Variants in CDH26 observed in about 807,000 individuals in gnomAD.
CDH26 encodes the protein cadherin-like protein 26.
In CDH26, 83 loss-of-function variants were observed where a neutral mutation model predicts 90.3. That is an observed-to-expected ratio of 0.92 (90% CI 0.77 to 1.10). The LOEUF (loss-of-function observed/expected upper bound fraction) is 1.10, where lower values mean the gene tolerates loss of function less well. CDH26 is among the 50% of genes least tolerant of loss of function. The probability of loss-of-function intolerance (pLI) is 0.00; values close to 1 mark genes in which losing one functional copy is unlikely to be tolerated. For synonymous variants in CDH26, 397 were observed against 396.3 expected (o/e 1.00, Z -0.02); for missense variants, 1,013 against 1,037.6 (o/e 0.98, Z 0.33).
chr20:59,967,878 T>TTTCTTTCTCTCTCTCTCTC (rs2061181771), intron 1 of CDH26, among the ~76,000 whole-genome samples: 1 of 101,426 alleles, frequency 9.9e-6, no homozygotes, highest in African/African-American at 7.1e-5. Context: ...TCTTTCTTTC[T>TTTCTTTCTCTCTCTCTCTC]TCCTTCCTTC....
At chr20:59,963,252 A>AT (rs11086689) in intron 1 of CDH26, among the ~76,000 whole-genome samples, 40,954 of 122,866 alleles carry the variant, frequency 0.33, 8,170 homozygotes, top group African/African-American at 0.5. Flanking sequence ...GTAGATAAGG[A>AT]TTTTTTTTTT....
intron 4 of CDH26, among the ~76,000 whole-genome samples, chr20:59,973,462 T>C (rs1401356227): frequency 6.6e-6 from 1 of 152,222 alleles, no homozygotes; most frequent in African/African-American, 2.4e-5. Flanking sequence ...ACTTGTATAA[T>C]GAGGGTTTAG....
intron 1 of CDH26, among the ~76,000 whole-genome samples, chr20:59,967,667 C>G (rs557592196): frequency 2.6e-5 from 4 of 152,094 alleles, no homozygotes; most frequent in Admixed American, 2.6e-4. Context: ...CTCCCCACTC[C>G]CACCCTTTCG....
rs151111079 is a variant in CDH26 at position 59,998,054 on chromosome 20, G to A, written c.2019+1293G>A. Among the ~76,000 whole-genome samples, 74 of 152,382 alleles carry A rather than the reference G, an allele frequency of 4.9e-4. 2 individuals carry two copies. In the East Asian group the frequency reaches 0.012, roughly 24 times the overall value. On this transcript the variant is annotated intron_variant, in intron 13 of 17. Transcript: ENST00000348616. ...TCCAGATTGTGAAGTCCCCTGGAAGGAATCTCCGCATCCCAAATGTGAGAG... is the reference window on the plus strand; with the variant it reads ...TCCAGATTGTGAAGTCCCCTGGAAGAAATCTCCGCATCCCAAATGTGAGAG...
At chr20:60,003,398 T>C (rs892165202) in intron 16 of CDH26, among the ~76,000 whole-genome samples, 3 of 152,222 alleles carry the variant, frequency 2.0e-5, no homozygotes, top group Non-Finnish European at 4.4e-5. Context: ...TTGAATGTTG[T>C]GGATATAGTT....
intron 4 of CDH26, among the ~76,000 whole-genome samples, chr20:59,975,375 C>T (rs751037648): frequency 6.6e-6 from 1 of 152,086 alleles, no homozygotes; most frequent in Non-Finnish European, 1.5e-5. Flanking sequence ...AGCAACCACC[C>T]GAAGCCAGGA....
intron 7 of CDH26, among the ~76,000 whole-genome samples, chr20:60,021,893 C>T (rs1401365671): frequency 0.026 from 2,273 of 86,636 alleles, 116 homozygotes; most frequent in African/African-American, 0.054. Flanking sequence ...CACACACACA[C>T]ACACATATAT....
Position 59,977,872 on chromosome 20 carries a change from G to A in CDH26, c.394-5051G>A, listed in dbSNP as rs140821209. Among the ~76,000 whole-genome samples, 489 of 152,206 alleles carry A rather than the reference G, an allele frequency of 3.2e-3. 3 individuals are homozygous for A. The highest frequency in any genetic ancestry group is 0.01 in the African/African-American group (419 of 41,508). Reference sequence around the variant, plus strand: ...CAAATGTGTCCACCATGACAGTGTCGTATAGAATAGTTTCACTGCTCTAAA... The same window carrying A: ...CAAATGTGTCCACCATGACAGTGTCATATAGAATAGTTTCACTGCTCTAAA... On this transcript the variant is annotated intron_variant, in intron 4 of 17. Coordinates refer to ENST00000348616, the MANE Select transcript of CDH26 (RefSeq NM_177980.4).
At chr20:60,004,799 C>T (rs1008737538) in intron 16 of CDH26, among the ~76,000 whole-genome samples, 7 of 142,566 alleles carry the variant, frequency 4.9e-5, no homozygotes, top group African/African-American at 1.8e-4. Flanking sequence ...AAGAAAAAAA[C>T]ACCTACACAT....
At chr20:60,029,811 G>A (rs1302401020) in intron 7 of CDH26, among the ~76,000 whole-genome samples, 1 of 152,048 alleles carries the variant, frequency 6.6e-6, no homozygotes, top group Non-Finnish European at 1.5e-5. Context: ...CAAAGGACAT[G>A]AACTCATTCT....
exon 9 of CDH26, chr20:60,033,883 A>G (rs1351662846): frequency 4.9e-6 from 3 of 617,186 alleles, no homozygotes; most frequent in African/African-American, 4.0e-5. Context: ...GCAGTTCACC[A>G]TGTTTCTCAC....
chr20:59,989,227 T>C, intron 9 of CDH26, 64 bp downstream of exon 9: 2 of 1,592,088 alleles, frequency 1.3e-6, no homozygotes, highest in Non-Finnish European at 1.7e-6. Flanking sequence ...CCAAGAGGGC[T>C]CCTGTTAGAA....
intron 7 of CDH26, among the ~76,000 whole-genome samples, chr20:60,025,615 C>T (rs2061990819): frequency 2.6e-5 from 4 of 152,212 alleles, no homozygotes; most frequent in Admixed American, 2.6e-4. Flanking sequence ...GGCAGATGAA[C>T]TCGTTACCTG....
chr20:59,968,053 G>GTC (rs1229883988), intron 1 of CDH26, among the ~76,000 whole-genome samples: 714 of 70,722 alleles, frequency 0.01, 13 homozygotes, highest in African/African-American at 0.03. Context: ...CTCTCTCTCT[G>GTC]TCTCTCTCTC....
intron 12 of CDH26, chr20:59,996,426 A>G (rs2061597426): frequency 1.3e-6 from 2 of 1,570,014 alleles, no homozygotes; most frequent in Non-Finnish European, 1.7e-6. Context: ...GCCAGATAGT[A>G]TTATTGATTA....
At position 60,013,679 on chromosome 20, in the gene CDH26, GC is replaced by G. The variant is rs1315966321; in HGVS notation, c.*951del. 5 of 152,174 alleles carry G rather than the reference GC, an allele frequency of 3.3e-5. No individual in the cohort carries two copies. Among genetic ancestry groups the G allele is most frequent in the African/African-American group, 1.2e-4 (5 of 41,438 alleles). The allele number at this position is 152,174 out of a possible 1,614,324, so 9.4% of individuals were successfully genotyped here. ...AATTTTATATAATTAATGAGCAAAT[GC>G]CGTCTCTCATGCCCTAAAATAAATC... On this transcript the variant is annotated 3_prime_UTR_variant, in exon 18 of 18. Coordinates refer to ENST00000348616, the MANE Select transcript of CDH26 (RefSeq NM_177980.4).
chr20:60,009,017 A>G (rs1489351106), intron 17 of CDH26, among the ~76,000 whole-genome samples: 2 of 152,084 alleles, frequency 1.3e-5, no homozygotes, highest in Admixed American at 6.5e-5. Context: ...GGAAATTTCC[A>G]TGTGTCTCTC....
chr20:59,982,522 A>G lies in CDH26; in HGVS notation c.394-401A>G, dbSNP rs8121078. 9.2e-3 allele frequency among the ~76,000 whole-genome samples: 1,397 copies of G among 152,348 alleles called. 26 individuals carry two copies. Among genetic ancestry groups the G allele is most frequent in the African/African-American group, 0.032 (1,325 of 41,580 alleles). On this transcript the variant is annotated intron_variant, in intron 4 of 17. Transcript: ENST00000348616. ...TACTATAAATGTTCACTTTCCCAAA[A>G]ATCTTTAACTGTCTGCTCTCTGTGA...
intron 7 of CDH26, among the ~76,000 whole-genome samples, chr20:60,027,635 C>T (rs192036030): frequency 4.1e-4 from 62 of 152,180 alleles, no homozygotes; most frequent in African/African-American, 1.4e-3. Flanking sequence ...TGAGTTTTGA[C>T]GAACGCACTC....
Sources: allele counts gnomAD v4.1 joint callset (sites outside exome capture counted in the v4.1 genomes callset), GRCh38; gene constraint gnomAD v4.1.1; transcripts MANE v1.5; gene names NCBI Gene and HGNC (gene_info 2026-07-23, HGNC 2026-07-21).